Variants in SYNGR1 observed in about 807,000 individuals in gnomAD.
SYNGR1 encodes synaptogyrin-1.
Under a neutral mutation model 26.1 loss-of-function variants are expected in SYNGR1, and 14 were observed. That is an observed-to-expected ratio of 0.54 (90% CI 0.35 to 0.84). The LOEUF (loss-of-function observed/expected upper bound fraction) is 0.84, where lower values mean the gene tolerates loss of function less well. Ranked by LOEUF, SYNGR1 falls within the 40% of genes least tolerant of loss-of-function variation. The pLI is 0.01. For missense variants in SYNGR1, 319 were observed against 332.9 expected (o/e 0.96, Z 0.33); for synonymous variants, 141 against 150.1 (o/e 0.94, Z 0.44).
At chr22:39,359,288 A>G (rs1924341872) in intron 1 of SYNGR1, among the ~76,000 whole-genome samples, 1 of 151,964 alleles carries the variant, frequency 6.6e-6, no homozygotes, top group South Asian at 2.1e-4. Flanking sequence ...ACTCCCCTTC[A>G]TGATGAGCCA....
intron 3 of SYNGR1, among the ~76,000 whole-genome samples, chr22:39,378,587 T>C (rs1925392883): frequency 6.6e-6 from 1 of 152,184 alleles, no homozygotes; most frequent in South Asian, 2.1e-4. Context: ...AGGAGGCTGG[T>C]GGAGCACAGA....
intron 3 of SYNGR1, chr22:39,377,674 C>T (rs758592517): frequency 1.2e-5 from 19 of 1,613,738 alleles, no homozygotes; most frequent in South Asian, 3.3e-5. Context: ...CTGTTCCCTG[C>T]CTCGGCACAG....
chr22:39,358,019 G>A (rs1924254740), intron 1 of SYNGR1, among the ~76,000 whole-genome samples: 1 of 152,270 alleles, frequency 6.6e-6, no homozygotes, highest in Non-Finnish European at 1.5e-5. Context: ...AGCTCCACCT[G>A]CAGCCCCGGT....
At chr22:39,353,855 GT>G (rs1345581470) in intron 1 of SYNGR1, among the ~76,000 whole-genome samples, 1 of 152,108 alleles carries the variant, frequency 6.6e-6, no homozygotes, top group African/African-American at 2.4e-5. Context: ...TGGCAGATGA[GT>G]TTTTTGTTTG....
chr22:39,373,635 C>G (rs573210202), intron 1 of SYNGR1, among the ~76,000 whole-genome samples: 14 of 152,164 alleles, frequency 9.2e-5, no homozygotes, highest in Admixed American at 8.5e-4. Context: ...GCACGCACCA[C>G]CATACCTGGG....
intron 1 of SYNGR1, among the ~76,000 whole-genome samples, chr22:39,353,937 C>T (rs1271823079): frequency 6.6e-6 from 1 of 152,146 alleles, no homozygotes; most frequent in East Asian, 1.9e-4. Flanking sequence ...GATCTTGGCT[C>T]ACTGCAACCT....
intron 1 of SYNGR1, among the ~76,000 whole-genome samples, chr22:39,365,657 G>A (rs1924709907): frequency 6.6e-6 from 1 of 152,092 alleles, no homozygotes; most frequent in Non-Finnish European, 1.5e-5. Flanking sequence ...GGGTTCAGGA[G>A]ACTGTAAGGG....
intron 1 of SYNGR1, among the ~76,000 whole-genome samples, chr22:39,359,707 C>T (rs1198876855): frequency 6.6e-6 from 1 of 151,830 alleles, no homozygotes; most frequent in African/African-American, 2.4e-5. Flanking sequence ...TGCTCCTGCT[C>T]CAGTCCTGGT....
intron 1 of SYNGR1, among the ~76,000 whole-genome samples, chr22:39,369,958 T>C (rs1924942473): frequency 6.6e-6 from 1 of 152,208 alleles, no homozygotes; most frequent in African/African-American, 2.4e-5. Flanking sequence ...ACCATTTTAA[T>C]GTTGTATAAT....
At chr22:39,351,618 C>A (rs1004236677) in intron 1 of SYNGR1, among the ~76,000 whole-genome samples, 18 of 152,270 alleles carry the variant, frequency 1.2e-4, no homozygotes, top group African/African-American at 4.3e-4. Flanking sequence ...CTGCCCACCC[C>A]TGGGCCTCTG....
chr22:39,351,889 G>T (rs1923922825), intron 1 of SYNGR1, among the ~76,000 whole-genome samples: 1 of 152,242 alleles, frequency 6.6e-6, no homozygotes, highest in Non-Finnish European at 1.5e-5. Flanking sequence ...GGTGATGTCA[G>T]ATTGGGCCTG....
At chr22:39,363,291 G>T (rs1361366480) in intron 1 of SYNGR1, among the ~76,000 whole-genome samples, 2 of 151,800 alleles carry the variant, frequency 1.3e-5, no homozygotes, top group African/African-American at 4.8e-5. Context: ...AGACCTGGGG[G>T]GTGACATGAC....
At chr22:39,356,485 AGGGAGTCCCCAGCCATGTG>A (rs1238530577) in intron 1 of SYNGR1, among the ~76,000 whole-genome samples, 1 of 152,208 alleles carries the variant, frequency 6.6e-6, no homozygotes, top group Non-Finnish European at 1.5e-5. Flanking sequence ...CCCCTGCTCC[AGGGAGTCCCCAGCCATGTG>A]GGGAGTCCCA....
intron 1 of SYNGR1, among the ~76,000 whole-genome samples, chr22:39,366,048 A>T (rs1924742532): frequency 8.3e-6 from 1 of 120,516 alleles, no homozygotes. Flanking sequence ...CCCAGGCTGG[A>T]GTATAGTGGT....
At chr22:39,365,096 T>C (rs1924673796) in intron 1 of SYNGR1, among the ~76,000 whole-genome samples, 1 of 152,182 alleles carries the variant, frequency 6.6e-6, no homozygotes, top group South Asian at 2.1e-4. Flanking sequence ...CATCCTCCCC[T>C]GTTTCTGGGC....
intron 3 of SYNGR1, chr22:39,378,228 C>T: frequency 9.5e-7 from 1 of 1,049,268 alleles, no homozygotes; most frequent in Non-Finnish European, 1.2e-6. Flanking sequence ...GTGACCCTGA[C>T]AAACCCGTGC....
intron 1 of SYNGR1, among the ~76,000 whole-genome samples, chr22:39,359,220 G>C (rs1408983669): frequency 6.6e-6 from 1 of 151,892 alleles, no homozygotes; most frequent in Admixed American, 6.6e-5. Context: ...TGGTTCCTGA[G>C]GCCACTTACA....
At chr22:39,378,654 G>A (rs1460682553) in intron 3 of SYNGR1, among the ~76,000 whole-genome samples, 1 of 152,220 alleles carries the variant, frequency 6.6e-6, no homozygotes, top group East Asian at 1.9e-4. Context: ...TCGAGAGTGA[G>A]CTTCCTGGCA....
At chr22:39,364,083 G>GGGT (rs1411228115) in intron 1 of SYNGR1, 1 of 1,573,390 alleles carries the variant, frequency 6.4e-7, no homozygotes, top group African/African-American at 1.3e-5. Context: ...GGCACACCCT[G>GGGT]GGTGGTCTGT....
Sources: gnomAD v4.1 joint callset for allele counts (sites outside exome capture counted in the v4.1 genomes callset) on GRCh38, gnomAD v4.1.1 for gene constraint, MANE v1.5 for transcripts, NCBI Gene and HGNC (gene_info 2026-07-23, HGNC 2026-07-21) for gene names.